The following NOTCH1 variants were observed in gnomAD, a reference collection of about 807,000 sequenced individuals.
NOTCH1 encodes the protein notch receptor 1, also known as neurogenic locus notch homolog protein 1.
A neutral mutation model predicts 254.8 loss-of-function variants in NOTCH1; 37 were observed. That is an observed-to-expected ratio of 0.15 (90% CI 0.11 to 0.19). NOTCH1 has a LOEUF of 0.19. Among genes scored for constraint, NOTCH1 ranks in the 10% least tolerant of loss-of-function variants. The pLI is 1.00. For missense variants in NOTCH1, 2,972 were observed against 3,708.6 expected (o/e 0.80, Z 5.16); for synonymous variants, 1,731 against 1,618.1 (o/e 1.07, Z -1.68).
intron 10 of NOTCH1, 43 bp downstream of exon 10, chr9:136,515,938 T>A: frequency 6.7e-7 from 1 of 1,502,992 alleles, no homozygotes. Flanking sequence ...GAGTGCCCTG[T>A]CCCGTCCCCA....
At chr9:136,537,518 G>A (rs747717122) in intron 2 of NOTCH1, among the ~76,000 whole-genome samples, 7 of 152,284 alleles carry the variant, frequency 4.6e-5, no homozygotes, top group Admixed American at 3.9e-4. Context: ...AGAAAGTCCC[G>A]GAACTAGATA....
At chr9:136,510,407 T>C (rs1843160140) in intron 17 of NOTCH1, 1 of 602,348 alleles carries the variant, frequency 1.7e-6, no homozygotes. Context: ...CTCGGCTCAG[T>C]GAAGAGCCGT....
chr9:136,524,510 A>G (rs1483045406), intron 2 of NOTCH1, among the ~76,000 whole-genome samples: 3 of 152,220 alleles, frequency 2.0e-5, no homozygotes, highest in Non-Finnish European at 4.4e-5. Context: ...CAGCTTTGCT[A>G]AAGCGAACAG....
Position 136,494,848 on chromosome 9 carries a change from T to C in NOTCH1, c.*1223A>G. On this transcript the variant is annotated 3_prime_UTR_variant, in exon 34 of 34. Transcript: ENST00000651671. Reference sequence around the variant, plus strand: ...CATTTTTTCTGCCATAGGCTATACTTGGTATTGCAAAAATCTGCTCCTCCC... The same window carrying C: ...CATTTTTTCTGCCATAGGCTATACTCGGTATTGCAAAAATCTGCTCCTCCC... 2 of 398,682 alleles carry C rather than the reference T, an allele frequency of 5.0e-6. No individual in the cohort carries two copies. The highest frequency in any genetic ancestry group is 8.9e-6 in the Non-Finnish European group (2 of 225,988). The allele number at this position is 398,682 out of a possible 1,614,324, so 24.7% of individuals were successfully genotyped here. A position where few individuals can be genotyped will look rare whatever the true frequency, so the allele number is the denominator to read the frequency against.
Position 136,505,056 on chromosome 9 carries a change from G to A in NOTCH1, c.4635C>T (p.Cys1545=), listed in dbSNP as rs775752102. 72 of 1,611,002 alleles carry A rather than the reference G, an allele frequency of 4.5e-5. No individual in the cohort carries two copies. In the East Asian group the frequency reaches 6.2e-4, roughly 14 times the overall value. The change falls in exon 26 of 34, where the codon TGC becomes TGT. Residue 1545 remains cysteine (C), a synonymous_variant. Transcript: ENST00000651671. ...ACTCCGCGCTGTTGCAGCCCTGGTC[G>A]CAGTGCCCGTCGCTGAAGTGGTCCT... ...YCKDHFSDGH[C]DQGCNSAECE...
chr9:136,514,848 G>A (rs926261268), intron 12 of NOTCH1, 146 bp from the exon 13 acceptor site: 1 of 926,846 alleles, frequency 1.1e-6, no homozygotes, highest in Non-Finnish European at 1.7e-6. Flanking sequence ...GGATCACAAT[G>A]TGCCATGTGC....
At chr9:136,509,990 G>A (rs2133351617) in intron 17 of NOTCH1, 29 bp from the exon 18 acceptor site, 1 of 1,601,044 alleles carries the variant, frequency 6.2e-7, no homozygotes, top group Non-Finnish European at 8.5e-7. Context: ...GTGAGTGTGA[G>A]GGGCAGGCAC....
Position 136,494,497 on chromosome 9 carries a change from A to T in NOTCH1, c.*1574T>A, listed in dbSNP as rs1419740423. ...TCAGTTAACAAAAAAGATGAAAAAA[A>T]TACATCATCTACAGTTCCTCATGTA... is the stretch of plus-strand genomic sequence containing the variant. On this transcript the variant is annotated 3_prime_UTR_variant, in exon 34 of 34. Coordinates refer to ENST00000651671, the MANE Select transcript of NOTCH1 (RefSeq NM_017617.5). The T allele has an allele frequency of 2.5e-6, 1 of 398,942 alleles. No homozygotes were observed. Among genetic ancestry groups the T allele is most frequent in the Non-Finnish European group, 4.4e-6 (1 of 226,084 alleles). The allele number at this position is 398,942 out of a possible 1,614,324, so 24.7% of individuals were successfully genotyped here. A position where few individuals can be genotyped will look rare whatever the true frequency, so the allele number is the denominator to read the frequency against.
chr9:136,499,002 T>A lies in NOTCH1; in HGVS notation c.6083-6A>T, dbSNP rs2133321995. On this transcript the variant is annotated splice_polypyrimidine_tract_variant and splice_region_variant and intron_variant, in intron 32 of 33. Coordinates refer to ENST00000651671, the MANE Select transcript of NOTCH1 (RefSeq NM_017617.5). ...CCAGTGCAGGGCGGACTTGCCTGCG[T>A]GAAAGAAGCAGATGGGGTAGGTTGG... is the stretch of plus-strand genomic sequence containing the variant. 1 of 1,613,200 alleles carries A rather than the reference T, an allele frequency of 6.2e-7. No individual in the cohort carries two copies. Among genetic ancestry groups the A allele is most frequent in the Admixed American group, 1.7e-5 (1 of 60,032 alleles).
chr9:136,506,398 G>T lies in NOTCH1; in HGVS notation c.4014+129C>A. 4.6e-5 allele frequency: 29 copies of T among 630,358 alleles called. No homozygotes were observed. Among genetic ancestry groups the T allele is most frequent in the Non-Finnish European group, 6.4e-5 (24 of 377,790 alleles). 39.0% of individuals were successfully genotyped at this position (630,358 alleles called of 1,614,324 possible). A position where few individuals can be genotyped will look rare whatever the true frequency, so the allele number is the denominator to read the frequency against. The stretch of plus-strand genomic sequence containing the variant: ...TTATTGAAACTAAAAAAAAAAAAAA[G>T]ACATCAGGGTGAGGAGGAGGATGAA... On this transcript the variant is annotated intron_variant, in intron 24 of 33. Coordinates refer to ENST00000651671, the MANE Select transcript of NOTCH1 (RefSeq NM_017617.5). The surrounding 1 kb of genome is among the most constrained non-coding windows in gnomAD (Gnocchi z 4.5).
intron 2 of NOTCH1, among the ~76,000 whole-genome samples, chr9:136,530,458 C>G (rs544467543): frequency 4.6e-5 from 7 of 152,206 alleles, no homozygotes; most frequent in Non-Finnish European, 1.0e-4. Context: ...TGCATCTGAC[C>G]GACAGAAGGC....
intron 2 of NOTCH1, among the ~76,000 whole-genome samples, chr9:136,541,157 A>G (rs531465341): frequency 6.6e-6 from 1 of 151,982 alleles, no homozygotes; most frequent in African/African-American, 2.4e-5. Context: ...GAGACCAACC[A>G]TCCTCCGCCC....
chr9:136,532,223 T>C lies in NOTCH1; in HGVS notation c.141-8244A>G, dbSNP rs1030158831. Among the ~76,000 whole-genome samples, 4 of 152,140 alleles carry C rather than the reference T, an allele frequency of 2.6e-5. No homozygotes were observed. In the East Asian group the frequency reaches 7.7e-4, roughly 29 times the overall value. ...AAGACAGCTGGCACAGGCTGGGGACTGTCTGGGGTACCTTTCCCTGTGGGG... is the reference window on the plus strand; with the variant it reads ...AAGACAGCTGGCACAGGCTGGGGACCGTCTGGGGTACCTTTCCCTGTGGGG... On this transcript the variant is annotated intron_variant, in intron 2 of 33. Coordinates refer to ENST00000651671, the MANE Select transcript of NOTCH1 (RefSeq NM_017617.5).
chr9:136,525,290 G>C (rs560268787), intron 2 of NOTCH1, among the ~76,000 whole-genome samples: 15 of 152,310 alleles, frequency 9.8e-5, no homozygotes, highest in African/African-American at 3.1e-4. Flanking sequence ...ACCCAGGCCT[G>C]GTCTCACCTG....
chr9:136,514,903 G>A (rs1448698392), intron 12 of NOTCH1, among the ~76,000 whole-genome samples: 1 of 152,150 alleles, frequency 6.6e-6, no homozygotes, highest in Non-Finnish European at 1.5e-5. Context: ...TCCTCCCAGG[G>A]GCCCCAGGGG....
intron 17 of NOTCH1, 102 bp downstream of exon 17, chr9:136,510,551 C>T: frequency 1.4e-6 from 2 of 1,461,028 alleles, no homozygotes; most frequent in South Asian, 2.4e-5. Context: ...ACACTCCGGC[C>T]TCCCTGGGTG....
intron 24 of NOTCH1, 46 bp from the exon 25 acceptor site, chr9:136,505,927 C>A: frequency 6.7e-7 from 1 of 1,485,150 alleles, no homozygotes; most frequent in East Asian, 2.4e-5. Context: ...GGCCACCCCC[C>A]GCCCCCCCGC....
chr9:136,535,510 GAGTGGGTGGAGGGGGGAGCAC>G (rs1843634165), intron 2 of NOTCH1, among the ~76,000 whole-genome samples: 7 of 54,106 alleles, frequency 1.3e-4, no homozygotes, highest in South Asian at 1.6e-3. Flanking sequence ...TGCAGGGTGG[GAGTGGGTGGAGGGGGGAGCAC>G]TCAGGATCCC....
intron 2 of NOTCH1, among the ~76,000 whole-genome samples, chr9:136,530,256 T>C (rs957171960): frequency 1.4e-4 from 21 of 152,346 alleles, no homozygotes; most frequent in African/African-American, 5.1e-4. Flanking sequence ...TGCAAATCTT[T>C]TCCCCCAGTT....
Sources: gnomAD v4.1 joint callset for allele counts (sites outside exome capture counted in the v4.1 genomes callset) on GRCh38, gnomAD v4.1.1 for gene constraint, Gnocchi (gnomAD v3.1) non-coding constraint, MANE v1.5 for transcripts, NCBI Gene and HGNC (gene_info 2026-07-23, HGNC 2026-07-21) for gene names.